The following GOLPH3 variants were observed in gnomAD, a reference collection of about 807,000 sequenced individuals.
GOLPH3 encodes the protein golgi phosphoprotein 3, also known as coat protein GPP34.
GOLPH3 carries 14 observed loss-of-function variants against 28.5 expected under a neutral mutation model. The observed-to-expected ratio is 0.49, with a 90% CI of 0.32 to 0.77. GOLPH3 has a LOEUF of 0.77. Among genes scored for constraint, GOLPH3 ranks in the 30% least tolerant of loss-of-function variants. The probability of loss-of-function intolerance (pLI) is 0.03; values close to 1 mark genes in which losing one functional copy is unlikely to be tolerated. For synonymous variants in GOLPH3, 158 were observed against 159.2 expected (o/e 0.99, Z 0.06); for missense variants, 350 against 393.7 (o/e 0.89, Z 0.94).
intron 1 of GOLPH3, among the ~76,000 whole-genome samples, chr5:32,172,329 T>C (rs1437333038): frequency 2.6e-5 from 4 of 151,950 alleles, no homozygotes; most frequent in East Asian, 3.9e-4. Flanking sequence ...TAAGTTTCAG[T>C]GACCAAGAAA....
chr5:32,168,772 T>G (rs893958026), intron 1 of GOLPH3, among the ~76,000 whole-genome samples: 15 of 152,298 alleles, frequency 9.8e-5, no homozygotes, highest in African/African-American at 3.6e-4. Context: ...TGGACAAGTC[T>G]GGCTGCATGA....
chr5:32,144,911 G>C (rs577889364), intron 1 of GOLPH3, among the ~76,000 whole-genome samples: 12 of 152,314 alleles, frequency 7.9e-5, no homozygotes, highest in Non-Finnish European at 1.6e-4. Context: ...ATCAATTTAA[G>C]ATACCCAGTT....
chr5:32,162,591 G>A (rs1024015006), intron 1 of GOLPH3, among the ~76,000 whole-genome samples: 1 of 152,092 alleles, frequency 6.6e-6, no homozygotes, highest in Admixed American at 6.5e-5. Flanking sequence ...AAGTGCAAGA[G>A]AATCAAGAAA....
chr5:32,148,332 C>T (rs1485248791), intron 1 of GOLPH3, among the ~76,000 whole-genome samples: 2 of 152,190 alleles, frequency 1.3e-5, no homozygotes, highest in East Asian at 1.9e-4. Context: ...AAACATACTA[C>T]GTTATATGAA....
chr5:32,158,235 C>G (rs987877766), intron 1 of GOLPH3, among the ~76,000 whole-genome samples: 1 of 150,992 alleles, frequency 6.6e-6, no homozygotes, highest in Non-Finnish European at 1.5e-5. Context: ...ATTTCAAAAC[C>G]CCATTCTCCC....
chr5:32,138,482 C>T (rs909029283), intron 2 of GOLPH3, among the ~76,000 whole-genome samples: 13 of 151,982 alleles, frequency 8.6e-5, no homozygotes, highest in Admixed American at 7.9e-4. Flanking sequence ...GTGTGCTGCA[C>T]CCATTAACTC....
chr5:32,137,598 G>A (rs1561661598), intron 2 of GOLPH3, among the ~76,000 whole-genome samples: 1 of 152,096 alleles, frequency 6.6e-6, no homozygotes, highest in East Asian at 2.0e-4. Flanking sequence ...GGTGGAGGCT[G>A]CAGTGAGCTG....
At chr5:32,167,337 A>G (rs1188452244) in intron 1 of GOLPH3, among the ~76,000 whole-genome samples, 1 of 151,924 alleles carries the variant, frequency 6.6e-6, no homozygotes, top group Non-Finnish European at 1.5e-5. Flanking sequence ...ATGTCTGGCT[A>G]ATTTTTATAT....
Position 32,135,653 on chromosome 5 carries a change from C to T in GOLPH3, c.391G>A (p.Val131Ile), listed in dbSNP as rs1745916393. 6.2e-7 allele frequency: 1 copy of T among 1,613,558 alleles called. No homozygotes were observed. Reference protein sequence around the residue: ...ICKSDAPTGDVLLDEALKHVK... With the variant: ...ICKSDAPTGDILLDEALKHVK... ...TGCTTCAGAGCTTCATCAAGAAGAACATCCCCTGTTGGAGCATCTGACTTA... is the reference window on the plus strand; with the variant it reads ...TGCTTCAGAGCTTCATCAAGAAGAATATCCCCTGTTGGAGCATCTGACTTA... The change falls in exon 3 of 4, where the codon GTT becomes ATT. Residue 131 changes from valine (V) to isoleucine (I), a missense_variant. By Grantham distance (29) the Val-to-Ile change is conservative (BLOSUM62 3). Coordinates refer to ENST00000265070, the MANE Select transcript of GOLPH3 (RefSeq NM_022130.4).
rs560904597 is a variant in GOLPH3, at chr5:32,127,658, T to C, written c.473-1022A>G. 2.0e-5 allele frequency among the ~76,000 whole-genome samples: 3 copies of C among 152,360 alleles called. No individual in the cohort carries two copies. In the South Asian group the frequency reaches 6.2e-4, roughly 32 times the overall value. On this transcript the variant is annotated intron_variant, in intron 3 of 3. Coordinates refer to ENST00000265070, the MANE Select transcript of GOLPH3 (RefSeq NM_022130.4). Reference sequence around the variant, plus strand: ...ACATTTTCATCATCAAAGAAAGTTCTAGCGGACTATCTTAAAATTTTAAGT... The same window carrying C: ...ACATTTTCATCATCAAAGAAAGTTCCAGCGGACTATCTTAAAATTTTAAGT...
At chr5:32,155,613 G>C (rs1746402276) in intron 1 of GOLPH3, among the ~76,000 whole-genome samples, 1 of 151,956 alleles carries the variant, frequency 6.6e-6, no homozygotes, top group Non-Finnish European at 1.5e-5. Context: ...TTTTTAATTA[G>C]CAAAAGAGTA....
At chr5:32,166,232 A>G (rs957016006) in intron 1 of GOLPH3, among the ~76,000 whole-genome samples, 2 of 152,248 alleles carry the variant, frequency 1.3e-5, no homozygotes, top group African/African-American at 4.8e-5. Context: ...TATTCTTAAA[A>G]GTGACCAGAA....
chr5:32,160,784 T>C (rs1746552907), intron 1 of GOLPH3, among the ~76,000 whole-genome samples: 1 of 152,300 alleles, frequency 6.6e-6, no homozygotes, highest in East Asian at 1.9e-4. Flanking sequence ...AAAGTAATCA[T>C]GGGCCAGGCG....
At chr5:32,137,898 C>T (rs114370692) in intron 2 of GOLPH3, among the ~76,000 whole-genome samples, 4,859 of 116,846 alleles carry the variant, frequency 0.042, 282 homozygotes, top group African/African-American at 0.14. Flanking sequence ...TTTAACATTA[C>T]GGTTTTTTTT....
intron 1 of GOLPH3, among the ~76,000 whole-genome samples, chr5:32,167,774 C>T (rs1227773745): frequency 6.6e-6 from 1 of 151,032 alleles, no homozygotes; most frequent in Non-Finnish European, 1.5e-5. Context: ...AGTGAGACCA[C>T]GTCTCTACAA....
chr5:32,152,007 T>C (rs1746318980), intron 1 of GOLPH3, among the ~76,000 whole-genome samples: 1 of 152,224 alleles, frequency 6.6e-6, no homozygotes, highest in Admixed American at 6.5e-5. Flanking sequence ...TATGAAATGA[T>C]GGAGAAGTTC....
Position 32,173,881 on chromosome 5 carries a change from T to TGTC in GOLPH3, c.151_153dup (p.Asp51dup), listed in dbSNP as rs759714499. 8 of 1,527,552 alleles carry TGTC rather than the reference T, an allele frequency of 5.2e-6. No homozygotes were observed. The highest frequency in any genetic ancestry group is 2.7e-5 in the East Asian group (1 of 36,838). 94.6% of individuals were successfully genotyped at this position (1,527,552 alleles called of 1,614,324 possible). On this transcript the variant is annotated inframe_insertion, in exon 1 of 4. Transcript: ENST00000265070. ...AGCCGCGTTTCCTTGGAGTCGCCCT[T>TGTC]GTCGTCGTCGTCCTGCTCGTCGCGG...
intron 3 of GOLPH3, among the ~76,000 whole-genome samples, chr5:32,134,521 A>T (rs323840): frequency 0.7 from 99,916 of 142,668 alleles, 34,533 homozygotes; most frequent in African/African-American, 0.84. Context: ...AAAATAAAAT[A>T]AAAAAAAAAA....
chr5:32,154,201 A>G (rs796622957), intron 1 of GOLPH3, among the ~76,000 whole-genome samples: 8 of 152,378 alleles, frequency 5.3e-5, no homozygotes, highest in African/African-American at 9.6e-5. Flanking sequence ...TACCACTGGA[A>G]GTAGCTAAGG....
Sources: gnomAD v4.1 joint callset for allele counts (sites outside exome capture counted in the v4.1 genomes callset) on GRCh38, gnomAD v4.1.1 for gene constraint, MANE v1.5 for transcripts, NCBI Gene and HGNC (gene_info 2026-07-23, HGNC 2026-07-21) for gene names.